The following FARP2 variants were observed in gnomAD, a reference collection of about 807,000 sequenced individuals.
The protein encoded by FARP2 is FERM, ARH/RhoGEF and pleckstrin domain protein 2, also known as FERM, ARHGEF and pleckstrin domain-containing protein 2.
FARP2 carries 111 observed loss-of-function variants against 130.5 expected under a neutral mutation model. The ratio of observed to expected loss-of-function variants is 0.85; its 90% CI spans 0.73 to 1.00. The LOEUF is 1.00. FARP2 is among the 50% of genes least tolerant of loss of function. FARP2 has a pLI of 0.00. For synonymous variants in FARP2, 504 were observed against 516.9 expected, an observed-to-expected ratio of 0.98 and a Z score of 0.34; for missense variants, 1,385 against 1,346.3, an observed-to-expected ratio of 1.03 and a Z score of -0.45.
chr2:241,486,756 T>C (rs2064763681), intron 21 of FARP2, among the ~76,000 whole-genome samples: 1 of 152,214 alleles, frequency 6.6e-6, no homozygotes, highest in African/African-American at 2.4e-5. Flanking sequence ...TTCCAAAATG[T>C]AGATTTGTCT....
intron 14 of FARP2, among the ~76,000 whole-genome samples, chr2:241,460,306 G>A (rs1178257269): frequency 1.3e-5 from 2 of 152,092 alleles, no homozygotes; most frequent in African/African-American, 4.8e-5. Flanking sequence ...TTTAGAGATG[G>A]GGTCCGTCTC....
Position 241,484,301 on chromosome 2 carries a change from C to T in FARP2, c.2391C>T (p.Ile797=), listed in dbSNP as rs756969379. ...KGVAGTSHFR[I]RGLLPLQGML... ...TTGCAGGGACCAGCCACTTCCGGAT[C>T]CGGGGCCTCCTTCCCCTCCAAGGCA... The change falls in exon 21 of 27, where the codon ATC becomes ATT. Residue 797 remains isoleucine (I), a synonymous_variant. Coordinates refer to ENST00000264042, the MANE Select transcript of FARP2 (RefSeq NM_014808.4). The T allele has an allele frequency of 5.0e-6, 8 of 1,614,060 alleles. No individual in the cohort carries two copies. Among genetic ancestry groups the T allele is most frequent in the Non-Finnish European group, 6.8e-6 (8 of 1,180,010 alleles).
chr2:241,441,530 G>T lies in FARP2; in HGVS notation c.1385G>T (p.Gly462Val). 1 of 1,614,058 alleles carries T rather than the reference G, an allele frequency of 6.2e-7. No individual in the cohort carries two copies. The highest frequency in any genetic ancestry group is 8.5e-7 in the Non-Finnish European group (1 of 1,180,028). ...GACACACCATCGGCCCAGCCCCTCG[G>T]GCCCCCCGCACTCCAGCCTGGTCCA... ...GPDTPSAQPLGPPALQPGPGL... is the reference protein window; with the variant it reads ...GPDTPSAQPLVPPALQPGPGL... The change falls in exon 13 of 27, where the codon GGG becomes GTG. Residue 462 changes from glycine to valine, a missense_variant. Gly to Val is a moderately radical substitution (Grantham distance 109). Transcript: ENST00000264042.
At chr2:241,479,873 G>A (rs895124464) in intron 19 of FARP2, among the ~76,000 whole-genome samples, 7 of 152,182 alleles carry the variant, frequency 4.6e-5, no homozygotes, top group African/African-American at 9.7e-5. Flanking sequence ...GTGAAAATTC[G>A]AGATGTTTAT....
chr2:241,428,048 G>A (rs2062998090), intron 8 of FARP2, among the ~76,000 whole-genome samples: 1 of 151,524 alleles, frequency 6.6e-6, no homozygotes, highest in South Asian at 2.1e-4. Flanking sequence ...TTACAGGCAT[G>A]AGCCACCACG....
intron 13 of FARP2, among the ~76,000 whole-genome samples, chr2:241,451,181 C>A (rs950491040): frequency 6.6e-6 from 1 of 152,026 alleles, no homozygotes; most frequent in Admixed American, 6.6e-5. Flanking sequence ...ACTGTGTTGC[C>A]AAGGCTGGTC....
intron 5 of FARP2, among the ~76,000 whole-genome samples, chr2:241,408,810 C>T (rs1368338260): frequency 1.3e-5 from 2 of 152,118 alleles, no homozygotes; most frequent in Non-Finnish European, 2.9e-5. Flanking sequence ...AAGGTTTCTG[C>T]ATATCATTTT....
At chr2:241,486,855 G>A (rs182789209) in intron 21 of FARP2, among the ~76,000 whole-genome samples, 1 of 152,156 alleles carries the variant, frequency 6.6e-6, no homozygotes, top group Non-Finnish European at 1.5e-5. Flanking sequence ...CAGGAGCTAG[G>A]TCTAAACATG....
chr2:241,363,519 T>C (rs73002147), intron 1 of FARP2, among the ~76,000 whole-genome samples: 16,736 of 152,278 alleles, frequency 0.11, 1,183 homozygotes, highest in Non-Finnish European at 0.15. Context: ...CTCAGGAAAG[T>C]GACCCCATGA....
At chr2:241,436,593 G>A in intron 12 of FARP2, 55 bp downstream of exon 12, 1 of 1,354,986 alleles carries the variant, frequency 7.4e-7, no homozygotes, top group Non-Finnish European at 1.1e-6. Context: ...TACTCTTTTG[G>A]AAAATAGTCT....
At chr2:241,421,980 C>G (rs2062820038) in intron 8 of FARP2, among the ~76,000 whole-genome samples, 1 of 151,830 alleles carries the variant, frequency 6.6e-6, no homozygotes, top group Non-Finnish European at 1.5e-5. Flanking sequence ...ACCATCTCTA[C>G]TAAAAATACG....
intron 21 of FARP2, 57 bp from the exon 22 acceptor site, chr2:241,489,905 C>A: frequency 2.4e-6 from 3 of 1,227,408 alleles, no homozygotes; most frequent in South Asian, 1.2e-5. Context: ...CCTGCTCAGG[C>A]TTAGGCTGTC....
intron 2 of FARP2, 61 bp downstream of exon 2, chr2:241,373,351 C>T: frequency 8.4e-7 from 1 of 1,186,880 alleles, no homozygotes; most frequent in Non-Finnish European, 1.1e-6. Flanking sequence ...AAATTATGTA[C>T]CAAATTCCAT....
chr2:241,435,133 A>G, intron 11 of FARP2, 103 bp downstream of exon 11: 1 of 639,454 alleles, frequency 1.6e-6, no homozygotes, highest in East Asian at 3.2e-5. Flanking sequence ...TTGCTCCGTC[A>G]CCTAAGCTGG....
chr2:241,369,114 A>C (rs901159172), intron 1 of FARP2, among the ~76,000 whole-genome samples: 6 of 152,040 alleles, frequency 3.9e-5, no homozygotes, highest in African/African-American at 1.5e-4. Context: ...ATGAGGATGT[A>C]AGTCGCTGCT....
rs535137758 is a variant in FARP2, at chr2:241,492,879, A to G, written c.2788-50A>G. On this transcript the variant is annotated intron_variant, in intron 24 of 26. Coordinates refer to ENST00000264042, the MANE Select transcript of FARP2 (RefSeq NM_014808.4). ...CTTGGGGAGCAAACCCACTCCCACA[A>G]GGGGTCCTGGGTGCTGGTTAATGCA... is the stretch of plus-strand genomic sequence containing the variant. The G allele has an allele frequency of 6.5e-6, 7 of 1,078,934 alleles. No individual in the cohort carries two copies. The South Asian group carries it at 8.8e-5, about 14-fold the overall frequency. 66.8% of individuals were successfully genotyped at this position (1,078,934 alleles called of 1,614,324 possible).
intron 14 of FARP2, among the ~76,000 whole-genome samples, chr2:241,460,154 A>G (rs564293235): frequency 1.9e-4 from 29 of 152,264 alleles, no homozygotes; most frequent in African/African-American, 6.5e-4. Context: ...GGGCATTAAC[A>G]TGTAACATCC....
chr2:241,457,011 G>C lies in FARP2; in HGVS notation c.1587+89G>C. 8.0e-6 allele frequency: 10 copies of C among 1,255,256 alleles called. No homozygotes were observed. In the South Asian group the frequency reaches 1.6e-4, roughly 20 times the overall value. 77.8% of individuals were successfully genotyped at this position (1,255,256 alleles called of 1,614,324 possible). A position where few individuals can be genotyped will look rare whatever the true frequency, so the allele number is the denominator to read the frequency against. ...TTCGGGTGGTGCTGGTGGGGACCCTGGGGCGGGGCAGGGAAGGGCTCTGCA... is the reference window on the plus strand; with the variant it reads ...TTCGGGTGGTGCTGGTGGGGACCCTCGGGCGGGGCAGGGAAGGGCTCTGCA... On this transcript the variant is annotated intron_variant, in intron 14 of 26. Coordinates refer to ENST00000264042, the MANE Select transcript of FARP2 (RefSeq NM_014808.4).
At chr2:241,443,481 G>A (rs1057259298) in intron 13 of FARP2, 2 of 152,430 alleles carry the variant, frequency 1.3e-5, no homozygotes, top group African/African-American at 4.8e-5. Context: ...CAGGACAATG[G>A]GAAGGGTCCC....
Sources: allele counts gnomAD v4.1 joint callset (sites outside exome capture counted in the v4.1 genomes callset), GRCh38; gene constraint gnomAD v4.1.1; transcripts MANE v1.5; gene names NCBI Gene and HGNC (gene_info 2026-07-23, HGNC 2026-07-21).